Variants in CELF2 observed in about 807,000 individuals in gnomAD.
CELF2 encodes the protein CUGBP Elav-like family member 2.
A neutral mutation model predicts 62.6 loss-of-function variants in CELF2; 8 were observed. The ratio of observed to expected loss-of-function variants is 0.13; its 90% confidence interval spans 0.07 to 0.23. The LOEUF (loss-of-function observed/expected upper bound fraction) is 0.23, where lower values mean the gene tolerates loss of function less well. Among genes scored for constraint, CELF2 ranks in the 10% least tolerant of loss-of-function variants. CELF2 has a pLI of 1.00. For missense variants in CELF2, 333 were observed against 671.0 expected, an observed-to-expected ratio of 0.50 and a Z score of 5.56; for synonymous variants, 258 against 250.0, an observed-to-expected ratio of 1.03 and a Z score of -0.30.
At chr10:11,187,579 C>CTG (rs1554920891) in intron 2 of CELF2, among the ~76,000 whole-genome samples, 2 of 151,566 alleles carry the variant, frequency 1.3e-5, no homozygotes, top group Admixed American at 6.5e-5. Context: ...GGTCGCCCCC[C>CTG]CCCCAACCTG....
rs1405544775 is a variant in CELF2 at position 11,302,923 on chromosome 10, T to C, written c.977-11216T>C. 6.6e-6 allele frequency among the ~76,000 whole-genome samples: 1 copy of C among 152,188 alleles called. No individual in the cohort carries two copies. Among genetic ancestry groups the C allele is most frequent in the African/African-American group, 2.4e-5 (1 of 41,444 alleles). ...TCTGCCAGGAGATGAAGCCAGCGTG[T>C]GTTTGGCACAACAATAAGAGCTTTT... On this transcript the variant is annotated intron_variant, in intron 9 of 12. Coordinates refer to ENST00000633077, the MANE Select transcript of CELF2 (RefSeq NM_001326342.2). The surrounding 1 kb of genome is among the most constrained non-coding windows in gnomAD (Gnocchi z 5.0).
intron 12 of CELF2, among the ~76,000 whole-genome samples, chr10:11,326,601 C>G (rs768020546): frequency 6.6e-6 from 1 of 152,180 alleles, no homozygotes; most frequent in Non-Finnish European, 1.5e-5. Context: ...GGGTGTTTTT[C>G]GCTCCCTTAG....
intron 2 of CELF2, among the ~76,000 whole-genome samples, chr10:11,185,225 A>G (rs917891613): frequency 1.3e-5 from 2 of 152,096 alleles, no homozygotes; most frequent in African/African-American, 4.8e-5. Context: ...CCCATGCTAC[A>G]GTGAACTGAC....
chr10:10,574,425 C>G, the CELF2 span, among the ~76,000 whole-genome samples: 1 of 151,972 alleles, frequency 6.6e-6, no homozygotes, highest in Non-Finnish European at 1.5e-5. Context: ...AGGAAAAAAG[C>G]GAAGAATAAA....
chr10:11,265,763 G>A (rs959611689), intron 5 of CELF2, among the ~76,000 whole-genome samples: 5 of 152,232 alleles, frequency 3.3e-5, no homozygotes, highest in Admixed American at 6.5e-5. Context: ...GAAAAAACAG[G>A]CACGGAAAGT....
intron 2 of CELF2, among the ~76,000 whole-genome samples, chr10:11,197,052 A>AGAAAGAAAGAAGGAAAGAAAG: frequency 3.2e-5 from 1 of 31,688 alleles, no homozygotes; most frequent in African/African-American, 1.3e-4. Context: ...AAAGAAAGAA[A>AGAAAGAAAGAAGGAAAGAAAG]GAAAGAAAAG....
chr10:10,807,228 T>C (rs2055327332), intron 1 of CELF2, among the ~76,000 whole-genome samples: 1 of 152,202 alleles, frequency 6.6e-6, no homozygotes, highest in Non-Finnish European at 1.5e-5. Context: ...TCCTTTTCTT[T>C]TGAGGTCCCC....
chr10:11,111,894 A>G lies in CELF2; in HGVS notation c.75-53592A>G, dbSNP rs564510567. On this transcript the variant is annotated intron_variant, in intron 1 of 12. Transcript: ENST00000633077. The stretch of plus-strand genomic sequence containing the variant: ...ATCTTTTGAATTTGGTTGACTTATA[A>G]TAATCAAATGTTTGGAGGAGGAGAG... 1.6e-4 allele frequency among the ~76,000 whole-genome samples: 24 copies of G among 152,380 alleles called. No individual in the cohort carries two copies. In the East Asian group the frequency reaches 4.2e-3, roughly 27 times the overall value.
chr10:11,096,810 A>G (rs921135460), intron 1 of CELF2, among the ~76,000 whole-genome samples: 3 of 152,194 alleles, frequency 2.0e-5, no homozygotes. Context: ...ATCTACCAGG[A>G]TGATGGAGGT....
chr10:11,084,574 G>A (rs1384454866), intron 1 of CELF2, among the ~76,000 whole-genome samples: 7 of 152,238 alleles, frequency 4.6e-5, no homozygotes, highest in South Asian at 2.1e-4. Context: ...GGAGTTGAGC[G>A]AGAAAAATGA....
chr10:11,005,525 T>C lies in CELF2; in HGVS notation c.53+85T>C. 2.5e-6 allele frequency: 4 copies of C among 1,597,254 alleles called. No individual in the cohort carries two copies. Among genetic ancestry groups the C allele is most frequent in the Non-Finnish European group, 3.4e-6 (4 of 1,165,466 alleles). ...GACAATAATTATGCTCTGAATCAAG[T>C]AGCTTCCTTACCTTAGAAGAGAAGG... On this transcript the variant is annotated intron_variant, in intron 1 of 12. Transcript: ENST00000416382. This position sits in a 1 kb window ranked among gnomAD's most constrained non-coding sequence, Gnocchi z 4.3.
At chr10:11,254,555 G>A (rs750661354) in intron 4 of CELF2, among the ~76,000 whole-genome samples, 4 of 152,134 alleles carry the variant, frequency 2.6e-5, no homozygotes, top group East Asian at 1.9e-4. Context: ...CTTCATGTTC[G>A]TCTTAGGAAA....
chr10:11,208,999 T>G (rs924546808), intron 2 of CELF2, among the ~76,000 whole-genome samples: 1 of 152,212 alleles, frequency 6.6e-6, no homozygotes, highest in Admixed American at 6.5e-5. Flanking sequence ...GTGTTCAGTT[T>G]AAAGGCGTAA....
At chr10:11,066,458 C>G (rs2068197734) in intron 1 of CELF2, among the ~76,000 whole-genome samples, 1 of 152,022 alleles carries the variant, frequency 6.6e-6, no homozygotes, top group Non-Finnish European at 1.5e-5. Flanking sequence ...ATAAATGATT[C>G]ACCTGAGGAC....
chr10:10,897,071 C>T (rs115820785), intron 1 of CELF2, among the ~76,000 whole-genome samples: 581 of 152,142 alleles, frequency 3.8e-3, no homozygotes, highest in African/African-American at 8.5e-3. Flanking sequence ...CAGAAAAAAG[C>T]CTAGAATTCC....
chr10:11,246,387 C>T lies in CELF2; in HGVS notation c.355-2766C>T, dbSNP rs2075618509. On this transcript the variant is annotated intron_variant, in intron 3 of 12. Transcript: ENST00000633077. This position sits in a 1 kb window ranked among gnomAD's most constrained non-coding sequence, Gnocchi z 4.6. ...GAAAGGACAGATGGGTGGCCCCCAT[C>T]CTCCACTGAGCTTCCTGTTGAACTC... Among the ~76,000 whole-genome samples, 1 of 152,124 alleles carries T rather than the reference C, an allele frequency of 6.6e-6. No individual in the cohort carries two copies. The highest frequency in any genetic ancestry group is 2.4e-5 in the African/African-American group (1 of 41,410).
upstream of CELF2, among the ~76,000 whole-genome samples, chr10:11,014,526 C>T (rs1389570050): frequency 6.6e-6 from 1 of 152,122 alleles, no homozygotes; most frequent in African/African-American, 2.4e-5. Context: ...TTCTGGTTCA[C>T]TGATTGAGTG....
At chr10:11,078,101 T>C (rs1262344507) in intron 1 of CELF2, among the ~76,000 whole-genome samples, 1 of 152,180 alleles carries the variant, frequency 6.6e-6, no homozygotes, top group Non-Finnish European at 1.5e-5. Context: ...CATTTCGTTT[T>C]GAATGCTTTC....
chr10:11,045,069 A>G (rs908655616), intron 1 of CELF2, among the ~76,000 whole-genome samples: 1 of 152,196 alleles, frequency 6.6e-6, no homozygotes, highest in Non-Finnish European at 1.5e-5. Flanking sequence ...GCCTTCCAGT[A>G]CCCTAAATAA....
Sources: gnomAD v4.1 joint callset for allele counts (sites outside exome capture counted in the v4.1 genomes callset) on GRCh38, gnomAD v4.1.1 for gene constraint, Gnocchi (gnomAD v3.1) non-coding constraint, MANE v1.5 for transcripts, NCBI Gene and HGNC (gene_info 2026-07-23, HGNC 2026-07-21) for gene names.